Variants in KCNH7 observed in about 807,000 individuals in gnomAD.
KCNH7 encodes the protein potassium voltage-gated channel subfamily H member 7.
KCNH7 carries 49 observed loss-of-function variants against 120.8 expected under a neutral mutation model. That is an observed-to-expected ratio of 0.41 (90% confidence interval 0.32 to 0.51). KCNH7 has a LOEUF of 0.51. Among genes scored for constraint, KCNH7 ranks in the 20% least tolerant of loss-of-function variants. KCNH7 has a pLI of 0.38. For missense variants in KCNH7, 1,097 were observed against 1,446.6 expected (o/e 0.76, Z 3.92); for synonymous variants, 547 against 516.1 (o/e 1.06, Z -0.81).
At chr2:162,490,254 C>G (rs141999454) in intron 6 of KCNH7, among the ~76,000 whole-genome samples, 1 of 152,200 alleles carries the variant, frequency 6.6e-6, no homozygotes, top group African/African-American at 2.4e-5. Context: ...TTAGGTGGAG[C>G]CACCGGGAAT....
intron 6 of KCNH7, among the ~76,000 whole-genome samples, chr2:162,493,597 G>T (rs564922085): frequency 3.3e-5 from 5 of 152,270 alleles, no homozygotes; most frequent in African/African-American, 1.2e-4. Context: ...GGGACATATG[G>T]AATTAACCAC....
intron 2 of KCNH7, among the ~76,000 whole-genome samples, chr2:162,710,174 A>C (rs1574292946): frequency 6.6e-6 from 1 of 152,156 alleles, no homozygotes; most frequent in East Asian, 1.9e-4. Context: ...AATTATCTCC[A>C]AGACTCAAGA....
At chr2:162,732,503 A>C (rs1380032277) in intron 2 of KCNH7, among the ~76,000 whole-genome samples, 2 of 152,116 alleles carry the variant, frequency 1.3e-5, no homozygotes, top group African/African-American at 4.8e-5. Context: ...AGAGTGCTTT[A>C]AAAGTCACAT....
intron 2 of KCNH7, among the ~76,000 whole-genome samples, chr2:162,736,004 A>T (rs956750399): frequency 2.0e-5 from 3 of 152,208 alleles, no homozygotes; most frequent in Non-Finnish European, 4.4e-5. Flanking sequence ...CATGAATGGA[A>T]TGGACAGTTT....
intron 2 of KCNH7, among the ~76,000 whole-genome samples, chr2:162,634,711 A>G (rs1015706236): frequency 6.6e-5 from 10 of 152,030 alleles, no homozygotes; most frequent in Non-Finnish European, 8.8e-5. Flanking sequence ...GCTTGGCTAT[A>G]GACAGAGTCA....
At chr2:162,389,321 T>G (rs910358389) in intron 12 of KCNH7, among the ~76,000 whole-genome samples, 14 of 151,978 alleles carry the variant, frequency 9.2e-5, no homozygotes, top group Non-Finnish European at 1.5e-4. Flanking sequence ...CTCAGCATTC[T>G]TTAACTACAC....
At chr2:162,394,226 G>A (rs1686833605) in intron 12 of KCNH7, among the ~76,000 whole-genome samples, 163 bp downstream of exon 12, 1 of 151,994 alleles carries the variant, frequency 6.6e-6, no homozygotes, top group African/African-American at 2.4e-5. Flanking sequence ...CTATCAATCA[G>A]AAACTGGAAA....
At position 162,787,344 on chromosome 2, in the gene KCNH7, T is replaced by A. The variant is rs576352274; in HGVS notation, c.307+49193A>T. On this transcript the variant is annotated intron_variant, in intron 2 of 15. Coordinates refer to ENST00000332142, the MANE Select transcript of KCNH7 (RefSeq NM_033272.4). ...AGACCCAGGTTCTAGGCTGGCACCA[T>A]GAACCCAGGCTCTAGGCCCACTCCA... is the stretch of plus-strand genomic sequence containing the variant. Among the ~76,000 whole-genome samples, 8 of 152,154 alleles carry A rather than the reference T, an allele frequency of 5.3e-5. No individual in the cohort carries two copies. The South Asian group carries it at 1.7e-3, about 32-fold the overall frequency.
At chr2:162,434,931 C>T (rs1303154160) in intron 8 of KCNH7, among the ~76,000 whole-genome samples, 2 of 151,918 alleles carry the variant, frequency 1.3e-5, no homozygotes, top group Non-Finnish European at 2.9e-5. Flanking sequence ...CTTTGTATAG[C>T]AGTAAAACTG....
At chr2:162,532,566 G>A (rs1236471409) in intron 3 of KCNH7, among the ~76,000 whole-genome samples, 4 of 151,920 alleles carry the variant, frequency 2.6e-5, no homozygotes, top group Non-Finnish European at 5.9e-5. Flanking sequence ...TATCTACCTA[G>A]GCTGTCCTTC....
At chr2:162,432,430 AT>A (rs1413932422) in intron 8 of KCNH7, among the ~76,000 whole-genome samples, 16 of 152,058 alleles carry the variant, frequency 1.1e-4, no homozygotes, top group Non-Finnish European at 1.8e-4. Flanking sequence ...TACATTTTAT[AT>A]AAAGTAGACA....
At chr2:162,517,667 T>A in intron 4 of KCNH7, 63 bp downstream of exon 4, 1 of 1,311,568 alleles carries the variant, frequency 7.6e-7, no homozygotes, top group Non-Finnish European at 1.0e-6. Context: ...TTTCAAACAA[T>A]ATGCAAATAA....
At chr2:162,836,275 A>C (rs1685661127) in intron 2 of KCNH7, among the ~76,000 whole-genome samples, 1 of 152,192 alleles carries the variant, frequency 6.6e-6, no homozygotes, top group Non-Finnish European at 1.5e-5. Context: ...AGGAGCATCT[A>C]AGACTGATTT....
In KCNH7 at chr2:162,838,508, C is replaced by A; in HGVS notation, c.11G>T (p.Arg4Leu). The A allele has an allele frequency of 1.2e-6, 2 of 1,612,816 alleles. No homozygotes were observed. The highest frequency in any genetic ancestry group is 1.7e-5 in the Admixed American group (1 of 60,028). ...ATTTTGTGGTGCCACATGCCCCCTG[C>A]GCACAGGCATGTTGGCCCCGGTCTT... Reference protein sequence around the residue: MPVRRGHVAPQNTF... With the variant: MPVLRGHVAPQNTF... The change falls in exon 1 of 16, where the codon CGC becomes CTC. Residue 4 changes from arginine (R) to leucine (L), a missense_variant. Around this residue, in one of 8 missense-constraint regions of KCNH7, gnomAD observed 57 missense variants for 116.2 expected, o/e 0.49. Coordinates refer to ENST00000332142, the MANE Select transcript of KCNH7 (RefSeq NM_033272.4).
intron 2 of KCNH7, among the ~76,000 whole-genome samples, chr2:162,644,778 A>G (rs1281897511): frequency 6.6e-6 from 1 of 152,032 alleles, no homozygotes; most frequent in African/African-American, 2.4e-5. Context: ...TTTTTTCCTT[A>G]ATTATTTTAG....
intron 1 of KCNH7, among the ~76,000 whole-genome samples, chr2:162,837,626 T>A (rs1685709291): frequency 6.6e-6 from 1 of 152,202 alleles, no homozygotes; most frequent in Admixed American, 6.5e-5. Flanking sequence ...ACAAATGTAT[T>A]AATATAGTTT....
intron 5 of KCNH7, among the ~76,000 whole-genome samples, chr2:162,511,297 T>A (rs959694646): frequency 1.3e-5 from 2 of 151,688 alleles, no homozygotes; most frequent in Non-Finnish European, 3.0e-5. Context: ...TCACTACATT[T>A]AAAAATCACT....
chr2:162,656,318 T>C (rs987129425), intron 2 of KCNH7, among the ~76,000 whole-genome samples: 5 of 152,204 alleles, frequency 3.3e-5, no homozygotes, highest in African/African-American at 9.6e-5. Context: ...TCATAAAGTC[T>C]GTAAAGACCA....
At chr2:162,636,776 CA>C (rs1424972215) in intron 2 of KCNH7, among the ~76,000 whole-genome samples, 3 of 152,030 alleles carry the variant, frequency 2.0e-5, no homozygotes, top group Non-Finnish European at 2.9e-5. Flanking sequence ...GGGTAGAAAA[CA>C]AAGCTATTTA....
Sources: allele counts gnomAD v4.1 joint callset (sites outside exome capture counted in the v4.1 genomes callset), GRCh38; gene constraint gnomAD v4.1.1; regional missense constraint gnomAD v4.1.1; transcripts MANE v1.5; gene names NCBI Gene and HGNC (gene_info 2026-07-23, HGNC 2026-07-21).